The following CTNNA3 variants were observed in gnomAD, a reference collection of about 807,000 sequenced individuals.
CTNNA3 encodes catenin alpha 3.
CTNNA3 carries 76 observed loss-of-function variants against 95.7 expected under a neutral mutation model. The ratio of observed to expected loss-of-function variants is 0.79; its 90% confidence interval spans 0.66 to 0.96. The LOEUF is 0.96. Among genes scored for constraint, CTNNA3 ranks in the 40% least tolerant of loss-of-function variants. CTNNA3 has a pLI of 0.00. For missense variants in CTNNA3, 1,191 were observed against 1,089.8 expected (o/e 1.09, Z -1.31); for synonymous variants, 431 against 374.4 (o/e 1.15, Z -1.74).
chr10:66,690,785 A>G (rs10822880), intron 9 of CTNNA3, among the ~76,000 whole-genome samples: 35,744 of 151,734 alleles, frequency 0.24, 5,560 homozygotes, highest in East Asian at 0.56. Flanking sequence ...ATAAACATAC[A>G]TGTGCATGTG....
intron 15 of CTNNA3, among the ~76,000 whole-genome samples, chr10:66,016,672 G>A (rs2079102314): frequency 1.3e-5 from 2 of 152,046 alleles, no homozygotes; most frequent in Admixed American, 6.6e-5. Context: ...TAACTTAAAA[G>A]CTACTTTCTG....
intron 17 of CTNNA3, among the ~76,000 whole-genome samples, chr10:65,946,791 C>T (rs2077522685): frequency 6.6e-6 from 1 of 152,044 alleles, no homozygotes; most frequent in Admixed American, 6.6e-5. Flanking sequence ...GGCTGTTGTA[C>T]CCTGCCCTAC....
At chr10:66,059,531 G>T (rs1427464764) in intron 15 of CTNNA3, among the ~76,000 whole-genome samples, 1 of 152,020 alleles carries the variant, frequency 6.6e-6, no homozygotes, top group Non-Finnish European at 1.5e-5. Flanking sequence ...CAGCTCGTCT[G>T]CTCCTAACTG....
At chr10:67,733,635 T>C (rs983853631) in intron 1 of CTNNA3, among the ~76,000 whole-genome samples, 2 of 152,238 alleles carry the variant, frequency 1.3e-5, no homozygotes, top group Non-Finnish European at 2.9e-5. Flanking sequence ...CTTTCATTAC[T>C]GGAGCATGTT....
At chr10:66,366,273 A>G (rs1248038820) in intron 12 of CTNNA3, among the ~76,000 whole-genome samples, 3 of 152,138 alleles carry the variant, frequency 2.0e-5, no homozygotes, top group Admixed American at 2.0e-4. Flanking sequence ...TATGCATGTC[A>G]GTTAGGTGTA....
chr10:66,140,573 T>A (rs1005854969), intron 13 of CTNNA3, among the ~76,000 whole-genome samples: 2 of 152,214 alleles, frequency 1.3e-5, no homozygotes, highest in African/African-American at 2.4e-5. Flanking sequence ...TTTGTCTTTA[T>A]GTATTTGTTC....
At chr10:67,120,940 TC>T (rs1859434272) in intron 7 of CTNNA3, among the ~76,000 whole-genome samples, 1 of 152,076 alleles carries the variant, frequency 6.6e-6, no homozygotes, top group South Asian at 2.1e-4. Flanking sequence ...AGTTATCCCT[TC>T]CCAGGTTTCA....
chr10:67,652,764 A>G (rs556072125), intron 1 of CTNNA3, among the ~76,000 whole-genome samples: 1 of 152,304 alleles, frequency 6.6e-6, no homozygotes, highest in South Asian at 2.1e-4. Context: ...TGCCAATTTG[A>G]CATCATAGTT....
intron 2 of CTNNA3, among the ~76,000 whole-genome samples, chr10:67,633,111 G>C (rs1447754597): frequency 6.6e-6 from 1 of 152,108 alleles, no homozygotes; most frequent in Non-Finnish European, 1.5e-5. Context: ...TGCCTTGCCA[G>C]ATTATAGCCA....
intron 7 of CTNNA3, among the ~76,000 whole-genome samples, chr10:66,898,181 G>T (rs1381625153): frequency 1.3e-5 from 2 of 152,084 alleles, no homozygotes; most frequent in South Asian, 2.1e-4. Context: ...ACAACTCAAT[G>T]GTCATATCTA....
At chr10:66,680,165 TG>T (rs1023434195) in intron 9 of CTNNA3, among the ~76,000 whole-genome samples, 17 of 100,182 alleles carry the variant, frequency 1.7e-4, no homozygotes, top group African/African-American at 8.2e-4. Context: ...GCCCGACTAA[TG>T]TTTTTTTTTG....
At chr10:66,824,986 A>G (rs1444193018) in intron 7 of CTNNA3, among the ~76,000 whole-genome samples, 1 of 151,922 alleles carries the variant, frequency 6.6e-6, no homozygotes. Context: ...ACTGGGTGAA[A>G]TGTATACAAG....
At chr10:66,511,253 A>G (rs1840646728) in intron 11 of CTNNA3, among the ~76,000 whole-genome samples, 1 of 151,604 alleles carries the variant, frequency 6.6e-6, no homozygotes, top group African/African-American at 2.4e-5. Context: ...CATTTCTGAT[A>G]TTATTTATTT....
chr10:67,671,973 C>A (rs1840444482), intron 1 of CTNNA3, among the ~76,000 whole-genome samples: 1 of 152,282 alleles, frequency 6.6e-6, no homozygotes. Context: ...TACAGTCCCA[C>A]CAACAGTGTA....
At chr10:66,922,285 T>C (rs1476675461) in intron 7 of CTNNA3, among the ~76,000 whole-genome samples, 1 of 152,230 alleles carries the variant, frequency 6.6e-6, no homozygotes, top group Non-Finnish European at 1.5e-5. Flanking sequence ...TAATGCAATA[T>C]AATTTTGCTT....
intron 9 of CTNNA3, among the ~76,000 whole-genome samples, chr10:66,718,307 C>T (rs34277004): frequency 0.024 from 3,628 of 152,128 alleles, 182 homozygotes; most frequent in East Asian, 0.22. Context: ...CCCCCGGCAT[C>T]AGTCTCAGGC....
At chr10:66,196,540 C>T (rs2086970461) in intron 13 of CTNNA3, among the ~76,000 whole-genome samples, 1 of 152,166 alleles carries the variant, frequency 6.6e-6, no homozygotes, top group South Asian at 2.1e-4. Flanking sequence ...CTCTAGATGT[C>T]TTCTTCCCTC....
intron 3 of CTNNA3, among the ~76,000 whole-genome samples, chr10:67,588,981 C>T (rs1842717358): frequency 6.6e-6 from 1 of 151,952 alleles, no homozygotes; most frequent in African/African-American, 2.4e-5. Flanking sequence ...CAAGCCTTAT[C>T]TATCTAGTTG....
At chr10:66,135,957 A>G (rs1362304893) in intron 13 of CTNNA3, among the ~76,000 whole-genome samples, 2 of 149,724 alleles carry the variant, frequency 1.3e-5, no homozygotes, top group Admixed American at 1.3e-4. Context: ...GCTGGAGTGC[A>G]GTGGTGCGAT....
Sources: gnomAD v4.1 joint callset for allele counts (sites outside exome capture counted in the v4.1 genomes callset) on GRCh38, gnomAD v4.1.1 for gene constraint, MANE v1.5 for transcripts, NCBI Gene and HGNC (gene_info 2026-07-23, HGNC 2026-07-21) for gene names.